The following PCDHGA4 variants were observed in gnomAD, a reference collection of about 807,000 sequenced individuals.
PCDHGA4 encodes the protein protocadherin gamma-A4.
In PCDHGA4, 38 loss-of-function variants were observed where a neutral mutation model predicts 54.6. That is an observed-to-expected ratio of 0.70 (90% CI 0.54 to 0.91). The LOEUF (loss-of-function observed/expected upper bound fraction) is 0.91, where lower values mean the gene tolerates loss of function less well. PCDHGA4 is among the 40% of genes least tolerant of loss of function. The probability of loss-of-function intolerance (pLI) is 0.00; values close to 1 mark genes in which losing one functional copy is unlikely to be tolerated. For missense variants in PCDHGA4, 1,298 were observed against 1,220.9 expected (o/e 1.06, Z -0.94); for synonymous variants, 511 against 512.9 (o/e 1.00, Z 0.05).
chr5:141,428,145 A>G (rs748256830), intron 1 of PCDHGA4: 10 of 1,592,574 alleles, frequency 6.3e-6, no homozygotes, highest in African/African-American at 1.3e-5. Context: ...GGGGCTGCAC[A>G]CGGGAACCTG....
chr5:141,467,672 AT>A (rs1199631144), intron 1 of PCDHGA4, among the ~76,000 whole-genome samples: 1 of 151,634 alleles, frequency 6.6e-6, no homozygotes, highest in Non-Finnish European at 1.5e-5. Context: ...GAAGATTTTT[AT>A]TTTTTTTAGA....
chr5:141,375,511 A>C (rs372798366), intron 1 of PCDHGA4: 2 of 1,613,960 alleles, frequency 1.2e-6, no homozygotes, highest in South Asian at 2.2e-5. Flanking sequence ...CTGTGAATGC[A>C]CTGGACCCTG....
intron 1 of PCDHGA4, chr5:141,475,971 C>T (rs750016455): frequency 2.1e-5 from 20 of 954,292 alleles, no homozygotes; most frequent in Non-Finnish European, 2.9e-5. Context: ...GAGGCAGAGA[C>T]TGAACAGCCG....
intron 1 of PCDHGA4, chr5:141,419,399 G>T (rs893535249): frequency 6.2e-7 from 1 of 1,613,470 alleles, no homozygotes. Context: ...GAGCGGGGTG[G>T]TGTTCGCGCA....
intron 1 of PCDHGA4, chr5:141,430,828 G>C (rs760402028): frequency 1.3e-6 from 2 of 1,554,030 alleles, no homozygotes; most frequent in East Asian, 2.2e-5. Context: ...TGGGGACTCT[G>C]TGGGAGACCG....
At chr5:141,371,690 C>G (rs778571401) in intron 1 of PCDHGA4, 1 of 1,614,078 alleles carries the variant, frequency 6.2e-7, no homozygotes, top group South Asian at 1.1e-5. Flanking sequence ...ATCCACCGCT[C>G]TCCTCCAGCA....
At chr5:141,460,214 G>A (rs925628892) in intron 1 of PCDHGA4, among the ~76,000 whole-genome samples, 2 of 151,896 alleles carry the variant, frequency 1.3e-5, no homozygotes, top group Admixed American at 6.6e-5. Flanking sequence ...CATTTTCTTA[G>A]TTGTGTCTTT....
Position 141,392,253 on chromosome 5 carries a change from T to C in PCDHGA4, c.2514+34632T>C, listed in dbSNP as rs1051019631. ...GTTCTTAGTTATTTGTTAGTATATATTGGAGACATTTACAATAAAGCTTAG... is the reference window on the plus strand; with the variant it reads ...GTTCTTAGTTATTTGTTAGTATATACTGGAGACATTTACAATAAAGCTTAG... On this transcript the variant is annotated intron_variant, in intron 1 of 3. Transcript: ENST00000571252. 3.9e-5 allele frequency: 6 copies of C among 152,218 alleles called. No individual in the cohort carries two copies. The South Asian group carries it at 6.2e-4, about 16-fold the overall frequency. The allele number at this position is 152,218 out of a possible 1,614,324, so 9.4% of individuals were successfully genotyped here. A position where few individuals can be genotyped will look rare whatever the true frequency, so the allele number is the denominator to read the frequency against.
chr5:141,496,663 G>A (rs2099770279), intron 2 of PCDHGA4, among the ~76,000 whole-genome samples: 1 of 152,196 alleles, frequency 6.6e-6, no homozygotes, highest in Admixed American at 6.5e-5. Context: ...GACCCCAGCT[G>A]TTGTCCTTCT....
At chr5:141,414,046 A>G (rs780040293) in intron 1 of PCDHGA4, 1 of 1,611,254 alleles carries the variant, frequency 6.2e-7, no homozygotes, top group Non-Finnish European at 8.5e-7. Context: ...ATTACCTGAC[A>G]CGCAATTGTT....
chr5:141,485,358 G>A lies in PCDHGA4; in HGVS notation c.2515-9449G>A, dbSNP rs372994272. The A allele has an allele frequency of 1.2e-6, 2 of 1,614,100 alleles. No homozygotes were observed. Among genetic ancestry groups the A allele is most frequent in the Admixed American group, 3.3e-5 (2 of 60,002 alleles). ...CTGGATACGGACAGTCTGTCAGCTC[G>A]CAGGCTGCAGGTCGCTGGAGAGGTG... is the stretch of plus-strand genomic sequence containing the variant. On this transcript the variant is annotated intron_variant, in intron 1 of 3. Transcript: ENST00000571252. This position sits in a 1 kb window ranked among gnomAD's most constrained non-coding sequence, Gnocchi z 5.7.
rs555568322 is a variant in PCDHGA4, at chr5:141,366,458, G to T, written c.2514+8837G>T. On this transcript the variant is annotated intron_variant, in intron 1 of 3. Transcript: ENST00000571252. ...CTGCGTCTTCCTGGCCTTCGTCATC[G>T]TGCTGCTGGTGCTCAGACTGAGGCG... 12 of 1,614,210 alleles carry T rather than the reference G, an allele frequency of 7.4e-6. No individual in the cohort carries two copies. Among genetic ancestry groups the T allele is most frequent in the African/African-American group, 1.3e-5 (1 of 75,068 alleles).
At chr5:141,394,991 G>C (rs1282662717) in intron 1 of PCDHGA4, 1 of 1,614,012 alleles carries the variant, frequency 6.2e-7, no homozygotes, top group East Asian at 2.2e-5. Flanking sequence ...GCCTGCTCCA[G>C]GATTCCGGTG....
At position 141,375,584 on chromosome 5, in the gene PCDHGA4, C is replaced by T. The variant is rs555182663; in HGVS notation, c.2514+17963C>T. The stretch of plus-strand genomic sequence containing the variant: ...AGAAGACACCCTCCAGGGGGCGCCC[C>T]TGTCCTCCTACGTGTCCATCAACTC... On this transcript the variant is annotated intron_variant, in intron 1 of 3. Coordinates refer to ENST00000571252, the MANE Select transcript of PCDHGA4 (RefSeq NM_018917.4). 2.3e-5 allele frequency: 37 copies of T among 1,614,178 alleles called. 2 individuals carry two copies. The South Asian group carries it at 3.8e-4, about 17-fold the overall frequency.
intron 1 of PCDHGA4, chr5:141,387,952 C>G: frequency 2.0e-6 from 3 of 1,491,568 alleles, no homozygotes; most frequent in Non-Finnish European, 2.7e-6. Flanking sequence ...TTCCTGCTGT[C>G]TTTGTTCTGC....
chr5:141,355,806 C>G lies in PCDHGA4; in HGVS notation c.699C>G (p.Arg233=), dbSNP rs1759989019. 1 of 1,613,258 alleles carries G rather than the reference C, an allele frequency of 6.2e-7. No individual in the cohort carries two copies. The highest frequency in any genetic ancestry group is 2.2e-5 in the East Asian group (1 of 44,840). The part of the protein sequence containing the change: ...PELVLERALD[R]EEEAVHHLVL... Reference sequence around the variant, plus strand: ...TGGTGCTGGAACGCGCTCTAGATCGCGAGGAAGAGGCGGTTCACCACCTCG... The same window carrying G: ...TGGTGCTGGAACGCGCTCTAGATCGGGAGGAAGAGGCGGTTCACCACCTCG... The change falls in exon 1 of 4, where the codon CGC becomes CGG. Residue 233 remains arginine, a synonymous_variant. Transcript: ENST00000571252.
chr5:141,382,530 G>T (rs1043069134), intron 1 of PCDHGA4, among the ~76,000 whole-genome samples: 2 of 152,150 alleles, frequency 1.3e-5, no homozygotes, highest in Non-Finnish European at 2.9e-5. Context: ...GTCTTAAAAT[G>T]GATTTTTAAT....
chr5:141,403,571 G>A (rs778030830), intron 1 of PCDHGA4: 1 of 1,613,904 alleles, frequency 6.2e-7, no homozygotes, highest in Non-Finnish European at 8.5e-7. Context: ...GGAGGCAACT[G>A]CCCACCACCT....
intron 1 of PCDHGA4, chr5:141,361,524 G>A (rs551885796): frequency 1.7e-5 from 27 of 1,613,938 alleles, no homozygotes; most frequent in Non-Finnish European, 2.3e-5. Context: ...ACGTGGCAGA[G>A]AACAATCCTC....
Sources: allele counts gnomAD v4.1 joint callset (sites outside exome capture counted in the v4.1 genomes callset), GRCh38; gene constraint gnomAD v4.1.1; non-coding constraint Gnocchi (gnomAD v3.1); transcripts MANE v1.5; gene names NCBI Gene and HGNC (gene_info 2026-07-23, HGNC 2026-07-21).